The following GC variants were observed in gnomAD, a reference collection of about 807,000 sequenced individuals.
GC encodes GC vitamin D binding protein.
GC carries 43 observed loss-of-function variants against 56.7 expected under a neutral mutation model. The observed-to-expected ratio is 0.76, with a 90% CI of 0.59 to 0.98. The LOEUF (loss-of-function observed/expected upper bound fraction) is 0.98. Among genes scored for constraint, GC ranks in the 50% least tolerant of loss-of-function variants. GC has a pLI of 0.00. For synonymous variants in GC, 216 were observed against 202.7 expected (o/e 1.07, Z -0.56); for missense variants, 529 against 545.9 (o/e 0.97, Z 0.31).
chr4:71,788,188 G>A, upstream of GC, among the ~76,000 whole-genome samples: 1 of 122,490 alleles, frequency 8.2e-6, no homozygotes, highest in African/African-American at 2.5e-5. Context: ...CTAGAATTCT[G>A]TAATTCGTTT....
chr4:71,766,311 C>T (rs1278554011), intron 3 of GC, among the ~76,000 whole-genome samples: 3 of 152,150 alleles, frequency 2.0e-5, no homozygotes, highest in Non-Finnish European at 4.4e-5. Flanking sequence ...TCCCAAGCTC[C>T]AAGATTTATG....
upstream of GC, among the ~76,000 whole-genome samples, chr4:71,786,887 T>C (rs190656730): frequency 7.9e-5 from 12 of 151,832 alleles, no homozygotes; most frequent in African/African-American, 2.9e-4. Context: ...CTTTATACTA[T>C]TAAAATGCAT....
chr4:71,782,519 G>A (rs1032921283), intron 1 of GC, among the ~76,000 whole-genome samples: 3 of 151,812 alleles, frequency 2.0e-5, no homozygotes, highest in Non-Finnish European at 4.4e-5. Context: ...GGACTGACTG[G>A]AGGTTTTTAG....
chr4:71,764,049 A>G (rs1430542071), intron 4 of GC, 113 bp from the exon 5 acceptor site: 4 of 767,704 alleles, frequency 5.2e-6, no homozygotes, highest in Middle Eastern at 3.5e-4. Context: ...TGGTATAATC[A>G]TAGCTCACTG....
chr4:71,777,364 G>A (rs1742539004), intron 1 of GC, among the ~76,000 whole-genome samples: 1 of 151,548 alleles, frequency 6.6e-6, no homozygotes, highest in South Asian at 2.1e-4. Flanking sequence ...ATTTGTCTTA[G>A]TAAGGCTAAA....
upstream of GC, among the ~76,000 whole-genome samples, chr4:71,785,197 G>A (rs1396160011): frequency 6.6e-6 from 1 of 151,714 alleles, no homozygotes; most frequent in African/African-American, 2.4e-5. Flanking sequence ...GGTAATCTGG[G>A]TGCAGGGCTC....
At chr4:71,787,140 C>T (rs1020343813), upstream of GC, among the ~76,000 whole-genome samples, 2 of 151,826 alleles carry the variant, frequency 1.3e-5, no homozygotes, top group Admixed American at 6.6e-5. Context: ...ACTAACCTAC[C>T]TTTAAATCAT....
chr4:71,795,544 G>A (rs1003809126), intron 1 of GC, among the ~76,000 whole-genome samples: 7 of 152,154 alleles, frequency 4.6e-5, no homozygotes, highest in African/African-American at 1.4e-4. Flanking sequence ...TTGAGCCAAT[G>A]TGTGTCTCTG....
At chr4:71,793,904 T>A (rs960317464) in intron 1 of GC, among the ~76,000 whole-genome samples, 5 of 152,226 alleles carry the variant, frequency 3.3e-5, no homozygotes, top group African/African-American at 1.2e-4. Flanking sequence ...TCTGCATCTA[T>A]TGAGATAATC....
chr4:71,760,853 G>A (rs1235219619), intron 6 of GC, among the ~76,000 whole-genome samples: 2 of 152,082 alleles, frequency 1.3e-5, no homozygotes, highest in Non-Finnish European at 2.9e-5. Context: ...GCTCCTCCTT[G>A]CCTTCCACCA....
chr4:71,753,456 A>G (rs1480475960), intron 10 of GC, among the ~76,000 whole-genome samples: 10 of 151,102 alleles, frequency 6.6e-5, no homozygotes, highest in Admixed American at 6.6e-4. Context: ...GGGGGGTGCA[A>G]ATGAGGCAAG....
chr4:71,744,327 C>T (rs371165373), intron 12 of GC, among the ~76,000 whole-genome samples: 97 of 149,862 alleles, frequency 6.5e-4, no homozygotes, highest in Non-Finnish European at 1.1e-3. Flanking sequence ...GGCGTGGTGG[C>T]GGGCGCCTGT....
At chr4:71,753,427 CA>C (rs1741618225) in intron 10 of GC, among the ~76,000 whole-genome samples, 1 of 145,332 alleles carries the variant, frequency 6.9e-6, no homozygotes, top group South Asian at 2.2e-4. Flanking sequence ...ATTGTTGAAA[CA>C]AGTAGGTTTG....
chr4:71,758,143 G>C lies in GC; in HGVS notation c.730C>G (p.Pro244Ala). 1.2e-6 allele frequency: 2 copies of C among 1,612,890 alleles called. No individual in the cohort carries two copies. The highest frequency in any genetic ancestry group is 1.3e-5 in the African/African-American group (1 of 74,994). ...SNLIKLAQKV[P>A]TADLEDVLPL... ...AAAACATCCTCCAGATCAGCAGTAG[G>C]CACTTTTTGGGCTAACTTTATGAGA... The change falls in exon 7 of 13, where the codon CCT becomes GCT. Residue 244 changes from proline (P) to alanine (A), a missense_variant. By Grantham distance (27) the Pro-to-Ala change is conservative. Transcript: ENST00000273951.
chr4:71,751,040 T>C (rs994636974), intron 11 of GC, among the ~76,000 whole-genome samples: 2 of 152,198 alleles, frequency 1.3e-5, no homozygotes, highest in African/African-American at 4.8e-5. Context: ...AACACAATTC[T>C]TGGAGTTATT....
upstream of GC, among the ~76,000 whole-genome samples, chr4:71,804,992 G>A (rs1430319445): frequency 6.6e-6 from 1 of 152,160 alleles, no homozygotes; most frequent in African/African-American, 2.4e-5. Context: ...TCTGAGTCGA[G>A]TGGGGCCAAA....
upstream of GC, among the ~76,000 whole-genome samples, chr4:71,787,234 A>G (rs971785731): frequency 6.6e-6 from 1 of 151,868 alleles, no homozygotes; most frequent in South Asian, 2.1e-4. Context: ...ACTTAGGCCA[A>G]TGCCTGTGCT....
chr4:71,765,597 G>A lies in GC; in HGVS notation c.308C>T (p.Pro103Leu), dbSNP rs1211133749. Residue 103 changes from proline to leucine, a missense_variant, in exon 4 of 13, where the codon CCC (proline) becomes CTC (leucine). By Grantham distance (98) the Pro-to-Leu change is moderately conservative (BLOSUM62 -3). Coordinates refer to ENST00000273951, the MANE Select transcript of GC (RefSeq NM_000583.4). ...GCACTCAGCAGTGCCTGGGTGAACG[G>A]GGAATGGAGAATTACTTTCACAGGA... The part of the protein sequence containing the change: ...AKSCESNSPF[P>L]VHPGTAECCT... 6.2e-7 allele frequency: 1 copy of A among 1,613,568 alleles called. No individual in the cohort carries two copies. Among genetic ancestry groups the A allele is most frequent in the Admixed American group, 1.7e-5 (1 of 59,982 alleles).
At position 71,756,854 on chromosome 4, in the gene GC, C is replaced by G; in HGVS notation, c.892G>C (p.Asp298His). The change falls in exon 8 of 13, where the codon GAC becomes CAC. Residue 298 changes from aspartate to histidine, a missense_variant. Physicochemically the swap from Asp to His is moderately conservative, Grantham distance 81. Coordinates refer to ENST00000273951, the MANE Select transcript of GC (RefSeq NM_000583.4). ...ATGGCTGTTTTTTCTTGACAACAGTCTTCAAACTTAGAATTCTTTGTGGAT... is the reference window on the plus strand; with the variant it reads ...ATGGCTGTTTTTTCTTGACAACAGTGTTCAAACTTAGAATTCTTTGTGGAT... ...NLSTKNSKFE[D>H]CCQEKTAMDV... 6.2e-7 allele frequency: 1 copy of G among 1,613,708 alleles called. No individual in the cohort carries two copies. The highest frequency in any genetic ancestry group is 8.5e-7 in the Non-Finnish European group (1 of 1,179,672).
Sources: gnomAD v4.1 joint callset for allele counts (sites outside exome capture counted in the v4.1 genomes callset) on GRCh38, gnomAD v4.1.1 for gene constraint, MANE v1.5 for transcripts, NCBI Gene and HGNC (gene_info 2026-07-23, HGNC 2026-07-21) for gene names.